SMARCA2: variants seen among roughly 807,000 people sequenced by gnomAD.
SMARCA2 encodes the protein SWI/SNF-related matrix-associated actin-dependent regulator of chromatin subfamily A member 2.
SMARCA2 carries 61 observed loss-of-function variants against 199.8 expected under a neutral mutation model. The ratio of observed to expected loss-of-function variants is 0.31; its 90% CI spans 0.25 to 0.38. The LOEUF (loss-of-function observed/expected upper bound fraction) is 0.38, where lower values mean the gene tolerates loss of function less well. Among genes scored for constraint, SMARCA2 ranks in the 10% least tolerant of loss-of-function variants. SMARCA2 has a pLI of 1.00. For missense variants in SMARCA2, 1,344 were observed against 2,012.2 expected (o/e 0.67, Z 6.35); for synonymous variants, 935 against 732.0 (o/e 1.28, Z -4.48).
chr9:2,030,108 G>A (rs967927145), intron 2 of SMARCA2, among the ~76,000 whole-genome samples: 1 of 152,220 alleles, frequency 6.6e-6, no homozygotes, highest in Non-Finnish European at 1.5e-5. Flanking sequence ...GATATCACAG[G>A]TGGATAGGGT....
intron 5 of SMARCA2, among the ~76,000 whole-genome samples, chr9:2,049,336 T>C (rs7035323): frequency 0.35 from 53,155 of 152,054 alleles, 10,364 homozygotes; most frequent in African/African-American, 0.54. Flanking sequence ...GAGATTACCT[T>C]AGTGGATGGT....
Position 2,119,336 on chromosome 9 carries a change from C to G in SMARCA2, c.3685-122C>G. ...AACGTCAAGGACTAAATCCAGCAAC[C>G]CCTTCCCTTTTCTTTCTGCCTTGAG... On this transcript the variant is annotated intron_variant, in intron 25 of 33. Coordinates refer to ENST00000349721, the MANE Select transcript of SMARCA2 (RefSeq NM_003070.5). The surrounding 1 kb of genome is among the most constrained non-coding windows in gnomAD (Gnocchi z 4.6). 1.5e-6 allele frequency: 1 copy of G among 658,962 alleles called. No individual in the cohort carries two copies. Among genetic ancestry groups the G allele is most frequent in the Non-Finnish European group, 2.7e-6 (1 of 368,578 alleles). The allele number at this position is 658,962 out of a possible 1,614,324, so 40.8% of individuals were successfully genotyped here. A position where few individuals can be genotyped will look rare whatever the true frequency, so the allele number is the denominator to read the frequency against.
At chr9:2,158,160 CAA>C (rs532618380) in intron 27 of SMARCA2, 8,169 of 87,766 alleles carry the variant, frequency 0.093, 227 homozygotes, top group Admixed American at 0.14. Flanking sequence ...GAAAGAGGGC[CAA>C]AAAAAAAAAA....
rs1206019613 is a variant in SMARCA2 at position 2,119,679 on chromosome 9, G to C, written c.3762+144G>C. On this transcript the variant is annotated intron_variant, in intron 26 of 33. Coordinates refer to ENST00000349721, the MANE Select transcript of SMARCA2 (RefSeq NM_003070.5). The surrounding 1 kb of genome is among the most constrained non-coding windows in gnomAD (Gnocchi z 4.6). ...CCTTCAGTTCAGAGGCTGCAAACTGGCTGGAGTTAGCCTGCAGACATATTT... is the reference window on the plus strand; with the variant it reads ...CCTTCAGTTCAGAGGCTGCAAACTGCCTGGAGTTAGCCTGCAGACATATTT... 6.6e-6 allele frequency: 4 copies of C among 601,896 alleles called. No individual in the cohort carries two copies. Among genetic ancestry groups the C allele is most frequent in the South Asian group, 6.4e-5 (3 of 47,244 alleles). 37.3% of individuals were successfully genotyped at this position (601,896 alleles called of 1,614,324 possible).
rs1586827591 is a variant in SMARCA2, at chr9:2,192,704, G to A, written c.4738G>A (p.Glu1580Lys). ...FDSDEEQDER[E>K]QSEGSGTDDE is the part of the protein sequence containing the mutation. ...TTTATCTTCTTATTTTTACTTTTAG[G>A]AACAGTCAGAAGGAAGTGGGACGGA... is the stretch of plus-strand genomic sequence containing the variant. Residue 1580 changes from glutamate (E) to lysine (K), a missense_variant and splice_region_variant, in exon 34 of 34, where the codon GAA becomes AAA. Glu to Lys is a moderately conservative substitution (Grantham distance 56, BLOSUM62 1). Coordinates refer to ENST00000349721, the MANE Select transcript of SMARCA2 (RefSeq NM_003070.5). 6.2e-7 allele frequency: 1 copy of A among 1,603,594 alleles called. No homozygotes were observed. Among genetic ancestry groups the A allele is most frequent in the Non-Finnish European group, 8.5e-7 (1 of 1,170,580 alleles).
chr9:2,058,637 G>T (rs1374967826), intron 8 of SMARCA2, among the ~76,000 whole-genome samples, 173 bp downstream of exon 8: 1 of 152,182 alleles, frequency 6.6e-6, no homozygotes, highest in African/African-American at 2.4e-5. Flanking sequence ...CTTTCCTGGA[G>T]AATGCATGCC....
At chr9:2,047,081 TCC>T in intron 4 of SMARCA2, 146 bp from the exon 5 acceptor site, 1 of 473,728 alleles carries the variant, frequency 2.1e-6, no homozygotes, top group Non-Finnish European at 2.7e-6. Context: ...CTTCTTGCCC[TCC>T]TTTTTTTTTT....
At position 2,076,228 on chromosome 9, in the gene SMARCA2, G is replaced by C; in HGVS notation, c.1936-1G>C. 1.3e-6 allele frequency: 2 copies of C among 1,554,482 alleles called. No individual in the cohort carries two copies. The highest frequency in any genetic ancestry group is 1.8e-6 in the Non-Finnish European group (2 of 1,126,992). Reference sequence around the variant, plus strand: ...CCTCCCTATCTTTGTTCCTTTTCCAGGATGAGGAAGAAGAGTCCAGTAGGC... The same window carrying C: ...CCTCCCTATCTTTGTTCCTTTTCCACGATGAGGAAGAAGAGTCCAGTAGGC... On this transcript the variant is annotated splice_acceptor_variant, in intron 12 of 33. Transcript: ENST00000349721. LOFTEE classifies it high-confidence loss of function.
intron 28 of SMARCA2, among the ~76,000 whole-genome samples, chr9:2,167,616 T>C (rs945765135): frequency 6.6e-6 from 1 of 152,248 alleles, no homozygotes; most frequent in African/African-American, 2.4e-5. Context: ...CTCTGCTGTC[T>C]TCCCCTAGCT....
At chr9:2,071,194 A>G (rs1821071584) in intron 10 of SMARCA2, among the ~76,000 whole-genome samples, 1 of 152,202 alleles carries the variant, frequency 6.6e-6, no homozygotes, top group South Asian at 2.1e-4. Flanking sequence ...GCCACTTCCC[A>G]TTCTGGTATC....
chr9:2,098,469 T>A (rs1163704192), intron 21 of SMARCA2, among the ~76,000 whole-genome samples: 1 of 152,206 alleles, frequency 6.6e-6, no homozygotes, highest in Non-Finnish European at 1.5e-5. Context: ...CTAGCTGTGC[T>A]GGATAATTGG....
chr9:2,149,438 T>G (rs1004450210), intron 27 of SMARCA2, among the ~76,000 whole-genome samples: 4 of 151,416 alleles, frequency 2.6e-5, no homozygotes, highest in Admixed American at 1.3e-4. Context: ...GAGAATTGCT[T>G]GAACCCGGGA....
intron 4 of SMARCA2, chr9:2,041,176 T>C (rs1467818232): frequency 2.5e-6 from 1 of 395,596 alleles, no homozygotes; most frequent in Non-Finnish European, 4.5e-6. Flanking sequence ...GTTTATTTTC[T>C]GGTAGAGGCA....
chr9:2,182,017 C>A, intron 30 of SMARCA2, 124 bp from the exon 31 acceptor site: 1 of 760,486 alleles, frequency 1.3e-6, no homozygotes, highest in East Asian at 2.4e-5. Context: ...TATGCAGTCC[C>A]AGATCCCTGG....
chr9:2,176,182 G>GTTTTTTTTTTTTTTGTTT (rs1554642562), intron 29 of SMARCA2, among the ~76,000 whole-genome samples: 4 of 104,156 alleles, frequency 3.8e-5, no homozygotes, highest in African/African-American at 1.5e-4. Context: ...CGCCCGGCCT[G>GTTTTTTTTTTTTTTGTTT]TTTTTTTTTT....
chr9:2,178,622 G>T (rs1482027874), intron 29 of SMARCA2, among the ~76,000 whole-genome samples: 1 of 150,404 alleles, frequency 6.6e-6, no homozygotes, highest in Non-Finnish European at 1.5e-5. Context: ...CATTTCAAAA[G>T]GTGTATTAAA....
At chr9:2,129,572 C>A (rs1044777035) in intron 27 of SMARCA2, among the ~76,000 whole-genome samples, 1 of 152,230 alleles carries the variant, frequency 6.6e-6, no homozygotes, top group East Asian at 1.9e-4. Context: ...GCCTTGATGT[C>A]CAGAGTTTTC....
intron 27 of SMARCA2, among the ~76,000 whole-genome samples, chr9:2,131,233 T>C (rs1304468521): frequency 6.6e-6 from 1 of 152,200 alleles, no homozygotes; most frequent in Non-Finnish European, 1.5e-5. Context: ...CACAATGTCT[T>C]GTAATTTTAA....
intron 32 of SMARCA2, among the ~76,000 whole-genome samples, chr9:2,188,516 C>G (rs1228409584): frequency 6.6e-6 from 1 of 152,172 alleles, no homozygotes; most frequent in African/African-American, 2.4e-5. Context: ...TTGAATACAT[C>G]TGCATCATCT....
Sources: allele counts gnomAD v4.1 joint callset (sites outside exome capture counted in the v4.1 genomes callset), GRCh38; gene constraint gnomAD v4.1.1; non-coding constraint Gnocchi (gnomAD v3.1); transcripts MANE v1.5; gene names NCBI Gene and HGNC (gene_info 2026-07-23, HGNC 2026-07-21).